SIRT1: variants seen among roughly 807,000 people sequenced by gnomAD.
SIRT1 encodes the protein NAD-dependent protein deacetylase sirtuin-1.
A neutral mutation model predicts 67.9 loss-of-function variants in SIRT1; 24 were observed. The observed-to-expected ratio is 0.35, with a 90% CI of 0.26 to 0.50. The LOEUF is 0.50. Among genes scored for constraint, SIRT1 ranks in the 20% least tolerant of loss-of-function variants. SIRT1 has a pLI of 0.98. For missense variants in SIRT1, 873 were observed against 937.2 expected (o/e 0.93, Z 0.89); for synonymous variants, 378 against 350.7 (o/e 1.08, Z -0.87).
In SIRT1 at chr10:67,906,919, A is replaced by G; in HGVS notation, c.1072A>G (p.Arg358Gly). The G allele has an allele frequency of 6.2e-7, 1 of 1,604,768 alleles. No homozygotes were observed. The highest frequency in any genetic ancestry group is 8.5e-7 in the Non-Finnish European group (1 of 1,177,084). ...DTLEQVAGIQRIIQCHGSFAT... is the reference protein window; with the variant it reads ...DTLEQVAGIQGIIQCHGSFAT... ...GCTGGAACAGGTTGCGGGAATCCAA[A>G]GGATAATTCAGTGTCATGGTTAGTA... Residue 358 changes from arginine to glycine, a missense_variant, in exon 5 of 9, where the codon AGG becomes GGG. Transcript: ENST00000212015.
chr10:67,915,244 G>C (rs1331897860), intron 8 of SIRT1, among the ~76,000 whole-genome samples: 5 of 152,162 alleles, frequency 3.3e-5, no homozygotes, highest in African/African-American at 1.2e-4. Context: ...TACCAGTGTG[G>C]TAACCAGGCT....
intron 2 of SIRT1, among the ~76,000 whole-genome samples, chr10:67,888,160 G>A (rs1842515696): frequency 6.6e-6 from 1 of 152,200 alleles, no homozygotes; most frequent in Non-Finnish European, 1.5e-5. Context: ...AAATGGGAAA[G>A]TATTTCGATG....
Position 67,910,384 on chromosome 10 carries a change from AAAAC to A in SIRT1, c.1357+947_1357+950del, listed in dbSNP as rs796390117. ...AGTGGGACTCTGTCTCAAAAAATCA[AAAAC>A]AAACCCAGAAGTAATGCTAAACTCT... On this transcript the variant is annotated intron_variant, in intron 7 of 8. Transcript: ENST00000212015. 1.6e-4 allele frequency among the ~76,000 whole-genome samples: 25 copies of A among 152,272 alleles called. 1 individual carries two copies. Among genetic ancestry groups the A allele is most frequent in the South Asian group, 8.3e-4 (4 of 4,824 alleles).
At chr10:67,896,144 G>A (rs1457656276) in intron 4 of SIRT1, among the ~76,000 whole-genome samples, 1 of 152,078 alleles carries the variant, frequency 6.6e-6, no homozygotes, top group East Asian at 1.9e-4. Context: ...TGACATTTTG[G>A]GCTGGATTTT....
At chr10:67,902,933 A>T (rs1842764742) in intron 4 of SIRT1, among the ~76,000 whole-genome samples, 1 of 152,080 alleles carries the variant, frequency 6.6e-6, no homozygotes, top group African/African-American at 2.4e-5. Context: ...TGTCTCTACT[A>T]AAAACAAATT....
chr10:67,900,761 C>T (rs955379370), intron 4 of SIRT1, among the ~76,000 whole-genome samples: 3 of 152,088 alleles, frequency 2.0e-5, no homozygotes, highest in Admixed American at 1.3e-4. Context: ...TTTTTATTAG[C>T]GTGGATGACT....
intron 5 of SIRT1, among the ~76,000 whole-genome samples, chr10:67,907,490 CAA>C (rs373037115): frequency 1.1e-4 from 12 of 109,012 alleles, no homozygotes; most frequent in Non-Finnish European, 8.7e-5. Context: ...GAGACTCTGT[CAA>C]AAAAAAAAAA....
intron 4 of SIRT1, among the ~76,000 whole-genome samples, chr10:67,902,339 C>A (rs1347837413): frequency 1.3e-5 from 2 of 152,286 alleles, no homozygotes; most frequent in South Asian, 2.1e-4. Context: ...ACTTATTCTT[C>A]CCAGCGTCTT....
intron 4 of SIRT1, among the ~76,000 whole-genome samples, chr10:67,894,931 C>G (rs527935538): frequency 6.6e-6 from 1 of 152,090 alleles, no homozygotes; most frequent in Admixed American, 6.6e-5. Context: ...GTCGTGACCT[C>G]GTGATCCGCC....
In SIRT1 at chr10:67,891,393, A is replaced by G. The variant is rs370352322; in HGVS notation, c.790-9A>G. ...TTTAATTTTACAAATTATGCCATGC[A>G]CATTTTAGGTGTCTGTTTCATGTGG... On this transcript the variant is annotated splice_polypyrimidine_tract_variant and intron_variant, in intron 3 of 8. Coordinates refer to ENST00000212015, the MANE Select transcript of SIRT1 (RefSeq NM_012238.5). The G allele has an allele frequency of 1.1e-5, 18 of 1,612,882 alleles. No homozygotes were observed. In the African/African-American group the frequency reaches 1.9e-4, roughly 17 times the overall value.
Position 67,913,052 on chromosome 10 carries a change from A to G in SIRT1, c.1915+21A>G, listed in dbSNP as rs112097739. On this transcript the variant is annotated intron_variant, in intron 8 of 8. Transcript: ENST00000212015. ...TGATGGTAAGAAAGGCAGTCGGACCATTTTGAAAGTATAAATGTCATAACA... is the reference window on the plus strand; with the variant it reads ...TGATGGTAAGAAAGGCAGTCGGACCGTTTTGAAAGTATAAATGTCATAACA... 6 of 1,571,952 alleles carry G rather than the reference A, an allele frequency of 3.8e-6. No individual in the cohort carries two copies. In the African/African-American group the frequency reaches 5.5e-5, roughly 14 times the overall value.
In SIRT1 at chr10:67,889,067, G is replaced by C. The variant is rs761327480; in HGVS notation, c.733G>C (p.Asp245His). The change falls in exon 3 of 9, where the codon GAT becomes CAT. Residue 245 changes from aspartate (D) to histidine (H), a missense_variant. Coordinates refer to ENST00000212015, the MANE Select transcript of SIRT1 (RefSeq NM_012238.5). ...KKRKDINTIE[D>H]AVKLLQECKK... ...AAGAAAAGATATTAATACAATTGAA[G>C]ATGCTGTGAAATTACTGCAAGAGTG... 2 of 1,609,882 alleles carry C rather than the reference G, an allele frequency of 1.2e-6. No individual in the cohort carries two copies. The highest frequency in any genetic ancestry group is 2.2e-5 in the South Asian group (2 of 90,742).
rs1842451046 is a variant in SIRT1 at position 67,884,963 on chromosome 10, C to T, written c.242C>T (p.Ala81Val). 17 of 1,261,244 alleles carry T rather than the reference C, an allele frequency of 1.3e-5. No homozygotes were observed. Among genetic ancestry groups the T allele is most frequent in the South Asian group, 3.5e-5 (1 of 28,222 alleles). 78.1% of individuals were successfully genotyped at this position (1,261,244 alleles called of 1,614,324 possible). The change falls in exon 1 of 9, where the codon GCA (alanine) becomes GTA (valine). Residue 81 changes from alanine (A) to valine (V), a missense_variant. Transcript: ENST00000212015. ...GCGGCGCTGTGGCGGGAGGCGGAGG[C>T]AGAGGCGGCGGCGGCAGGCGGGGAG... ...AAAALWREAEAEAAAAGGEQE... is the reference protein window; with the variant it reads ...AAAALWREAEVEAAAAGGEQE...
Position 67,891,491 on chromosome 10 carries a change from T to G in SIRT1, c.879T>G (p.Pro293=), listed in dbSNP as rs766539875. 3 of 1,614,154 alleles carry G rather than the reference T, an allele frequency of 1.9e-6. No homozygotes were observed. Among genetic ancestry groups the G allele is most frequent in the South Asian group, 1.1e-5 (1 of 91,082 alleles). ...TAGACTTCCCAGATCTTCCAGATCC[T>G]CAAGCGATGTTTGATATTGAATATT... ...LAVDFPDLPD[P]QAMFDIEYFR... is the part of the protein sequence containing the mutation. The change falls in exon 4 of 9, where the codon CCT becomes CCG. Residue 293 remains proline, a synonymous_variant. Transcript: ENST00000212015.
At chr10:67,905,889 A>AT (rs1216146950) in intron 4 of SIRT1, among the ~76,000 whole-genome samples, 2 of 152,112 alleles carry the variant, frequency 1.3e-5, no homozygotes, top group African/African-American at 4.8e-5. Flanking sequence ...GATGTACCAT[A>AT]TTTATACAAC....
At chr10:67,910,526 C>G (rs573587525) in intron 7 of SIRT1, among the ~76,000 whole-genome samples, 8 of 152,132 alleles carry the variant, frequency 5.3e-5, no homozygotes, top group Non-Finnish European at 1.0e-4. Flanking sequence ...TGAAATGGTC[C>G]TTTATCCTTA....
rs201162356 is a variant in SIRT1 at position 67,891,392 on chromosome 10, C to T, written c.790-10C>T. On this transcript the variant is annotated splice_polypyrimidine_tract_variant and intron_variant, in intron 3 of 8. Coordinates refer to ENST00000212015, the MANE Select transcript of SIRT1 (RefSeq NM_012238.5). Reference sequence around the variant, plus strand: ...ATTTAATTTTACAAATTATGCCATGCACATTTTAGGTGTCTGTTTCATGTG... The same window carrying T: ...ATTTAATTTTACAAATTATGCCATGTACATTTTAGGTGTCTGTTTCATGTG... 1.5e-5 allele frequency: 24 copies of T among 1,612,300 alleles called. No individual in the cohort carries two copies. The East Asian group carries it at 1.8e-4, about 12-fold the overall frequency.
chr10:67,889,004 GTTA>G lies in SIRT1; in HGVS notation c.674_676del (p.Ile225del), dbSNP rs1419789839. On this transcript the variant is annotated inframe_deletion, in exon 3 of 9. Coordinates refer to ENST00000212015, the MANE Select transcript of SIRT1 (RefSeq NM_012238.5). ...GGATGATATGACACTGTGGCAGATT[GTTA>G]TTAATATCCTTTCAGAACCACCAAA... The G allele has an allele frequency of 6.2e-7, 1 of 1,613,778 alleles. No homozygotes were observed. The highest frequency in any genetic ancestry group is 8.5e-7 in the Non-Finnish European group (1 of 1,179,930).
chr10:67,906,741 G>T (rs200979158), intron 4 of SIRT1, 49 bp from the exon 5 acceptor site: 4 of 1,556,398 alleles, frequency 2.6e-6, no homozygotes, highest in African/African-American at 1.4e-5. Context: ...TATGACATCT[G>T]TAGTTTATTT....
Sources: gnomAD v4.1 joint callset for allele counts (sites outside exome capture counted in the v4.1 genomes callset) on GRCh38, gnomAD v4.1.1 for gene constraint, MANE v1.5 for transcripts, NCBI Gene and HGNC (gene_info 2026-07-23, HGNC 2026-07-21) for gene names.